Variants in HFM1 observed in about 807,000 individuals in gnomAD.
HFM1 encodes probable ATP-dependent DNA helicase HFM1.
In HFM1, 169 loss-of-function variants were observed where a neutral mutation model predicts 192.1. The ratio of observed to expected loss-of-function variants is 0.88; its 90% CI spans 0.78 to 1.00. The LOEUF is 1.00. Among genes scored for constraint, HFM1 ranks in the 50% least tolerant of loss-of-function variants. HFM1 has a pLI of 0.00. For synonymous variants in HFM1, 525 were observed against 537.8 expected (o/e 0.98, Z 0.33); for missense variants, 1,661 against 1,668.0 (o/e 1.00, Z 0.07).
At chr1:91,345,074 T>G (rs1414875153) in intron 19 of HFM1, among the ~76,000 whole-genome samples, 1 of 152,190 alleles carries the variant, frequency 6.6e-6, no homozygotes, top group Non-Finnish European at 1.5e-5. Context: ...AAACGCTACA[T>G]ATTTTGATAT....
intron 30 of HFM1, among the ~76,000 whole-genome samples, chr1:91,299,058 G>A (rs1459973943): frequency 6.6e-6 from 1 of 152,072 alleles, no homozygotes; most frequent in Non-Finnish European, 1.5e-5. Flanking sequence ...CACGTGCAGA[G>A]ACACATATAG....
chr1:91,263,309 G>GT (rs1286333439), intron 36 of HFM1, among the ~76,000 whole-genome samples: 1 of 152,162 alleles, frequency 6.6e-6, no homozygotes, highest in East Asian at 1.9e-4. Context: ...AGGCTAAAAT[G>GT]TAACAGCCAT....
rs764619 is a variant in HFM1, at chr1:91,366,447, A to G, written c.1685+8911T>C. On this transcript the variant is annotated intron_variant, in intron 13 of 38. Coordinates refer to ENST00000370425, the MANE Select transcript of HFM1 (RefSeq NM_001017975.6). ...AAAAGTGATATGAACCAACTTGATCATCTAGTTTATTCACCCAACAAGTAG... is the reference window on the plus strand; with the variant it reads ...AAAAGTGATATGAACCAACTTGATCGTCTAGTTTATTCACCCAACAAGTAG... Among the ~76,000 whole-genome samples the G allele has an allele frequency of 9.2e-5, 14 of 152,218 alleles. 1 individual carries two copies. The highest frequency in any genetic ancestry group is 9.2e-4 in the Admixed American group (14 of 15,274).
chr1:91,374,765 G>A (rs571252783), intron 13 of HFM1, among the ~76,000 whole-genome samples: 1 of 152,266 alleles, frequency 6.6e-6, no homozygotes, highest in Non-Finnish European at 1.5e-5. Flanking sequence ...TATAGGCCTG[G>A]AGCTCAGTAA....
intron 30 of HFM1, among the ~76,000 whole-genome samples, chr1:91,290,089 A>C (rs1668561009): frequency 6.6e-6 from 1 of 152,182 alleles, no homozygotes; most frequent in African/African-American, 2.4e-5. Context: ...CAGCCGCTGC[A>C]AAATCATGCC....
intron 19 of HFM1, among the ~76,000 whole-genome samples, chr1:91,345,749 C>G (rs1426874460): frequency 6.6e-6 from 1 of 152,086 alleles, no homozygotes; most frequent in South Asian, 2.1e-4. Context: ...AGTCTAAGAC[C>G]CTCATTCCAG....
intron 4 of HFM1, among the ~76,000 whole-genome samples, chr1:91,392,941 T>C (rs1663196820): frequency 6.6e-6 from 1 of 152,148 alleles, no homozygotes; most frequent in Non-Finnish European, 1.5e-5. Context: ...GAAGAGTAAC[T>C]GTTAATTAGT....
intron 29 of HFM1, 130 bp from the exon 30 acceptor site, chr1:91,313,625 A>G: frequency 2.0e-6 from 1 of 506,408 alleles, no homozygotes; most frequent in Non-Finnish European, 3.2e-6. Flanking sequence ...AAGTTAAAAT[A>G]TGTTGAAAGG....
intron 5 of HFM1, 73 bp downstream of exon 5, chr1:91,385,502 T>C: frequency 7.9e-7 from 1 of 1,264,604 alleles, no homozygotes; most frequent in Non-Finnish European, 1.1e-6. Flanking sequence ...ACTATATTTT[T>C]ACATTTTCCC....
intron 30 of HFM1, among the ~76,000 whole-genome samples, chr1:91,297,398 A>C (rs373051622): frequency 6.6e-6 from 1 of 152,062 alleles, no homozygotes; most frequent in African/African-American, 2.4e-5. Flanking sequence ...CAGCAGAAAC[A>C]TCTGCAGACT....
At chr1:91,305,183 T>A (rs935517581) in intron 30 of HFM1, among the ~76,000 whole-genome samples, 1 of 152,232 alleles carries the variant, frequency 6.6e-6, no homozygotes, top group African/African-American at 2.4e-5. Flanking sequence ...AATTTTAGGA[T>A]CAGCCTGTGA....
At chr1:91,320,179 G>A (rs968194464) in intron 23 of HFM1, among the ~76,000 whole-genome samples, 1 of 152,108 alleles carries the variant, frequency 6.6e-6, no homozygotes, top group Non-Finnish European at 1.5e-5. Context: ...CTCCTCAGTA[G>A]AAGGAGGTCT....
chr1:91,352,479 A>T (rs746272401), intron 16 of HFM1, 27 bp downstream of exon 16: 1 of 1,522,708 alleles, frequency 6.6e-7, no homozygotes. Context: ...GTTTTTAAGT[A>T]TAAAAAGCAA....
chr1:91,378,927 TA>T, intron 9 of HFM1, 135 bp downstream of exon 9: 1 of 556,720 alleles, frequency 1.8e-6, no homozygotes, highest in East Asian at 3.4e-5. Context: ...TGAATTGTAG[TA>T]TTTTTTTAAT....
chr1:91,353,336 C>G, intron 13 of HFM1, 37 bp from the exon 14 acceptor site: 2 of 1,229,370 alleles, frequency 1.6e-6, no homozygotes, highest in Non-Finnish European at 2.3e-6. Context: ...GAGTTACTCC[C>G]AGTAACATTA....
At chr1:91,329,414 G>C (rs1411753611) in intron 20 of HFM1, 1 of 1,575,812 alleles carries the variant, frequency 6.3e-7, no homozygotes, top group Non-Finnish European at 8.6e-7. Context: ...TCTTCAAGGT[G>C]ACTGGCTCAC....
intron 4 of HFM1, among the ~76,000 whole-genome samples, chr1:91,389,029 A>C (rs1662588341): frequency 6.6e-6 from 1 of 151,992 alleles, no homozygotes; most frequent in Non-Finnish European, 1.5e-5. Context: ...GCTGATAATC[A>C]CATGAAAATA....
At chr1:91,351,875 G>A (rs1023756623) in intron 16 of HFM1, among the ~76,000 whole-genome samples, 1 of 151,844 alleles carries the variant, frequency 6.6e-6, no homozygotes, top group Admixed American at 6.6e-5. Context: ...TTTTGGCAAT[G>A]TTAAAATCAA....
At chr1:91,377,935 CA>C in intron 11 of HFM1, 89 bp downstream of exon 11, 2 of 1,189,480 alleles carry the variant, frequency 1.7e-6, no homozygotes, top group East Asian at 4.7e-5. Flanking sequence ...AAGGAAAGGA[CA>C]AAAAAATTCA....
Sources: allele counts gnomAD v4.1 joint callset (sites outside exome capture counted in the v4.1 genomes callset), GRCh38; gene constraint gnomAD v4.1.1; transcripts MANE v1.5; gene names NCBI Gene and HGNC (gene_info 2026-07-23, HGNC 2026-07-21).